PTGER3: variants seen among roughly 807,000 people sequenced by gnomAD.
The protein encoded by PTGER3 is prostaglandin E2 receptor EP3 subtype.
In PTGER3, 22 loss-of-function variants were observed where a neutral mutation model predicts 34.7. That is an observed-to-expected ratio of 0.63 (90% CI 0.45 to 0.91). The LOEUF (loss-of-function observed/expected upper bound fraction) is 0.91, where lower values mean the gene tolerates loss of function less well. Ranked by LOEUF, PTGER3 falls within the 40% of genes least tolerant of loss-of-function variation. The pLI is 0.00. For synonymous variants in PTGER3, 241 were observed against 230.1 expected (o/e 1.05, Z -0.43); for missense variants, 468 against 519.4 (o/e 0.90, Z 0.96).
chr1:70,955,499 A>C (rs759033896), intron 2 of PTGER3, among the ~76,000 whole-genome samples: 19 of 152,252 alleles, frequency 1.2e-4, no homozygotes, highest in Non-Finnish European at 2.4e-4. Flanking sequence ...AGATGGAGGA[A>C]AGGAAGAAGG....
At chr1:70,981,363 CTTTCTTTCTTTCTTTCTTTCTTTCTTTCT>C (rs1557708903) in intron 2 of PTGER3, among the ~76,000 whole-genome samples, 10 of 98,206 alleles carry the variant, frequency 1.0e-4, no homozygotes, top group South Asian at 3.9e-4. Flanking sequence ...TTCTTTCTTT[CTTTCTTTCTTTCTTTCTTTCTTTCTTTCT>C]TTCCTTCCTT....
intron 4 of PTGER3, among the ~76,000 whole-genome samples, chr1:70,885,281 C>T (rs1646473319): frequency 6.6e-6 from 1 of 152,030 alleles, no homozygotes; most frequent in Non-Finnish European, 1.5e-5. Context: ...CTCACTCCAT[C>T]CATAAAAAAT....
At chr1:70,914,302 T>C (rs936553225) in intron 4 of PTGER3, among the ~76,000 whole-genome samples, 1 of 151,818 alleles carries the variant, frequency 6.6e-6, no homozygotes, top group African/African-American at 2.4e-5. Flanking sequence ...TGATATCTAG[T>C]CATGAAATTG....
At chr1:70,959,933 A>G (rs1651752868) in intron 2 of PTGER3, among the ~76,000 whole-genome samples, 1 of 152,112 alleles carries the variant, frequency 6.6e-6, no homozygotes, top group African/African-American at 2.4e-5. Context: ...AGGTCATTGT[A>G]GATAGAATTA....
chr1:70,863,511 G>T (rs35897531), intron 4 of PTGER3, among the ~76,000 whole-genome samples: 32,036 of 152,002 alleles, frequency 0.21, 3,806 homozygotes, highest in Admixed American at 0.35. Flanking sequence ...CAAAATCATA[G>T]ATCATGAAAA....
chr1:71,006,432 C>G, intron 2 of PTGER3: 8 of 985,398 alleles, frequency 8.1e-6, no homozygotes, highest in Non-Finnish European at 9.6e-6. Flanking sequence ...ATACTCAGCT[C>G]ACACCAAAAC....
chr1:70,902,317 T>A (rs1242003381), intron 4 of PTGER3, among the ~76,000 whole-genome samples: 1 of 152,104 alleles, frequency 6.6e-6, no homozygotes, highest in African/African-American at 2.4e-5. Context: ...GAGGAGGTTG[T>A]CAGGTGCCAT....
chr1:70,872,152 A>C (rs963931171), intron 4 of PTGER3, among the ~76,000 whole-genome samples: 2 of 152,084 alleles, frequency 1.3e-5, no homozygotes, highest in Non-Finnish European at 2.9e-5. Context: ...CTTTCCCATG[A>C]GTTTGAGGTT....
intron 4 of PTGER3, among the ~76,000 whole-genome samples, chr1:70,920,136 A>C (rs1021151373): frequency 6.6e-5 from 10 of 152,212 alleles, no homozygotes; most frequent in Non-Finnish European, 1.2e-4. Flanking sequence ...AAACTGTCAC[A>C]AACTTTTCAG....
chr1:71,023,565 T>G (rs1324271484), intron 1 of PTGER3, among the ~76,000 whole-genome samples: 1 of 151,940 alleles, frequency 6.6e-6, no homozygotes, highest in Non-Finnish European at 1.5e-5. Context: ...TAGCTGCTAT[T>G]GCACGGCTTT....
exon 5 of PTGER3, chr1:70,852,811 T>C: frequency 6.2e-7 from 1 of 1,612,488 alleles, no homozygotes; most frequent in Non-Finnish European, 8.5e-7. Context: ...GAGCTTCCAG[T>C]GATGTGATCC....
chr1:71,035,324 G>A (rs1455141410), intron 1 of PTGER3, among the ~76,000 whole-genome samples: 1 of 151,902 alleles, frequency 6.6e-6, no homozygotes, highest in African/African-American at 2.4e-5. Flanking sequence ...GTCTCTATTT[G>A]ACTATATCTA....
rs144877701 is a variant in PTGER3, at chr1:70,953,231, G to A, written c.1105-172C>T. On this transcript the variant is annotated intron_variant, in intron 3 of 3. Coordinates refer to the PTGER3 transcript ENST00000356595. Reference sequence around the variant, plus strand: ...TTATTTAAAATGTTCAGGAGGATGTGCATAGGTTATATGCAAATACTACTC... The same window carrying A: ...TTATTTAAAATGTTCAGGAGGATGTACATAGGTTATATGCAAATACTACTC... Among the ~76,000 whole-genome samples, 16 of 152,172 alleles carry A rather than the reference G, an allele frequency of 1.1e-4. No individual in the cohort carries two copies. In the East Asian group the frequency reaches 2.5e-3, roughly 24 times the overall value.
chr1:70,877,078 T>C (rs532266646), intron 4 of PTGER3, among the ~76,000 whole-genome samples: 2 of 152,356 alleles, frequency 1.3e-5, no homozygotes, highest in East Asian at 3.9e-4. Context: ...TGATTCTCCC[T>C]ATCCACAAGC....
chr1:70,917,255 CT>C (rs1647195243), intron 4 of PTGER3, among the ~76,000 whole-genome samples: 1 of 151,564 alleles, frequency 6.6e-6, no homozygotes, highest in African/African-American at 2.4e-5. Context: ...TCAGAGTCAG[CT>C]TTTTTAGATT....
At chr1:70,994,694 G>A (rs954924839) in intron 2 of PTGER3, among the ~76,000 whole-genome samples, 3 of 152,014 alleles carry the variant, frequency 2.0e-5, no homozygotes, top group Non-Finnish European at 2.9e-5. Flanking sequence ...CTGACCTTGC[G>A]ATCCACCCCC....
chr1:71,039,305 C>T (rs1413396132), intron 1 of PTGER3, among the ~76,000 whole-genome samples: 2 of 151,842 alleles, frequency 1.3e-5, no homozygotes, highest in Admixed American at 6.6e-5. Flanking sequence ...GAACAGATTA[C>T]AGGGCTGAGA....
At chr1:71,031,605 G>A (rs1659423730) in intron 1 of PTGER3, among the ~76,000 whole-genome samples, 2 of 152,138 alleles carry the variant, frequency 1.3e-5, no homozygotes, top group South Asian at 2.1e-4. Context: ...TTTAGACATT[G>A]GATTCATCAC....
chr1:70,922,832 G>A (rs1173966635), intron 4 of PTGER3, among the ~76,000 whole-genome samples: 1 of 152,186 alleles, frequency 6.6e-6, no homozygotes, highest in Non-Finnish European at 1.5e-5. Context: ...GAAGTGTTAT[G>A]CAAGTTGTGG....
Sources: gnomAD v4.1 joint callset for allele counts (sites outside exome capture counted in the v4.1 genomes callset) on GRCh38, gnomAD v4.1.1 for gene constraint, MANE v1.5 for transcripts, NCBI Gene and HGNC (gene_info 2026-07-23, HGNC 2026-07-21) for gene names.